Variants in DLGAP2 observed in about 807,000 individuals in gnomAD.
The protein encoded by DLGAP2 is DLG associated protein 2.
DLGAP2 carries 26 observed loss-of-function variants against 100.3 expected under a neutral mutation model. The observed-to-expected ratio is 0.26, with a 90% CI of 0.19 to 0.36. The LOEUF (loss-of-function observed/expected upper bound fraction) is 0.36, where lower values mean the gene tolerates loss of function less well. DLGAP2 is among the 10% of genes least tolerant of loss of function. The pLI is 1.00. For missense variants in DLGAP2, 1,858 were observed against 1,453.2 expected (o/e 1.28, Z -4.53); for synonymous variants, 886 against 630.1 (o/e 1.41, Z -6.08).
chr8:1,246,933 G>T, intron 2 of DLGAP2: 1 of 136,954 alleles, frequency 7.3e-6, no homozygotes, highest in Non-Finnish European at 1.5e-5. Context: ...GGGAGTGATG[G>T]TCCATGTCGG....
At chr8:1,021,705 C>G (rs560458249) in intron 2 of DLGAP2, among the ~76,000 whole-genome samples, 3 of 152,296 alleles carry the variant, frequency 2.0e-5, no homozygotes, top group African/African-American at 7.2e-5. Context: ...GAGTACTTCC[C>G]TGGGAAAGGT....
chr8:1,655,605 T>C (rs1585036866), intron 8 of DLGAP2, among the ~76,000 whole-genome samples: 3 of 96,630 alleles, frequency 3.1e-5, no homozygotes, highest in Admixed American at 2.1e-4. Context: ...TAATTAAACA[T>C]GTGTTTAAAG....
At chr8:1,619,040 T>A (rs1028756064) in intron 6 of DLGAP2, among the ~76,000 whole-genome samples, 6 of 152,140 alleles carry the variant, frequency 3.9e-5, no homozygotes. Context: ...TAAATTCTGT[T>A]CATTAAAAGA....
At chr8:1,153,240 C>G (rs185347337) in intron 2 of DLGAP2, among the ~76,000 whole-genome samples, 2 of 152,078 alleles carry the variant, frequency 1.3e-5, no homozygotes, top group South Asian at 4.1e-4. Flanking sequence ...TCATCAGTCT[C>G]GATCTGAACA....
intron 2 of DLGAP2, among the ~76,000 whole-genome samples, chr8:1,036,912 G>A (rs11783337): frequency 0.011 from 1,670 of 152,240 alleles, 25 homozygotes; most frequent in Non-Finnish European, 0.017. Context: ...ATACCAGAAG[G>A]TGTGACCCCC....
chr8:1,090,402 G>C (rs1472140275), intron 2 of DLGAP2, among the ~76,000 whole-genome samples: 1 of 152,180 alleles, frequency 6.6e-6, no homozygotes, highest in South Asian at 2.1e-4. Context: ...CTCCATGTCT[G>C]CACTCTGGGG....
chr8:1,499,040 G>T (rs180761311), intron 3 of DLGAP2, among the ~76,000 whole-genome samples: 3 of 152,238 alleles, frequency 2.0e-5, no homozygotes, highest in Non-Finnish European at 4.4e-5. Context: ...CAGCAAGGGC[G>T]GGTGGGAGGA....
chr8:1,064,127 C>A (rs1803172529), intron 2 of DLGAP2, among the ~76,000 whole-genome samples: 1 of 152,166 alleles, frequency 6.6e-6, no homozygotes. Context: ...TGGGGACAAT[C>A]CAATGGCTGG....
At chr8:946,408 C>A (rs569424861) in intron 2 of DLGAP2, among the ~76,000 whole-genome samples, 5 of 151,924 alleles carry the variant, frequency 3.3e-5, no homozygotes, top group South Asian at 4.2e-4. Flanking sequence ...GGACTACAGG[C>A]GCCCGCCACC....
At chr8:1,167,051 G>C (rs1436130450) in intron 2 of DLGAP2, among the ~76,000 whole-genome samples, 1 of 152,040 alleles carries the variant, frequency 6.6e-6, no homozygotes, top group Non-Finnish European at 1.5e-5. Context: ...TGGGAGGATC[G>C]CTTGAGCCCG....
chr8:765,002 G>A (rs1382282939), intron 1 of DLGAP2, among the ~76,000 whole-genome samples: 1 of 152,196 alleles, frequency 6.6e-6, no homozygotes, highest in Non-Finnish European at 1.5e-5. Flanking sequence ...AATTGACAGT[G>A]ACTAGTGGTA....
intron 4 of DLGAP2, among the ~76,000 whole-genome samples, chr8:1,540,415 G>A (rs976275329): frequency 2.6e-5 from 4 of 152,168 alleles, no homozygotes; most frequent in African/African-American, 9.7e-5. Context: ...TTGAATGGCT[G>A]GGTTGAGTCA....
At chr8:944,053 A>G (rs772577027) in intron 2 of DLGAP2, among the ~76,000 whole-genome samples, 35 of 152,278 alleles carry the variant, frequency 2.3e-4, no homozygotes, top group Non-Finnish European at 4.6e-4. Flanking sequence ...TTTGGCGTAG[A>G]GACCATTTGG....
At chr8:1,307,804 A>G (rs1372309120) in intron 3 of DLGAP2, among the ~76,000 whole-genome samples, 1 of 152,204 alleles carries the variant, frequency 6.6e-6, no homozygotes, top group African/African-American at 2.4e-5. Context: ...CACATGAGGT[A>G]CGAAAGCAGT....
At chr8:1,684,071 T>G (rs1198645983) in intron 12 of DLGAP2, among the ~76,000 whole-genome samples, 1 of 149,216 alleles carries the variant, frequency 6.7e-6, no homozygotes, top group East Asian at 2.0e-4. Context: ...AACCTCTGCC[T>G]CCCAAGTTCA....
At chr8:1,031,339 A>T (rs1195581090) in intron 2 of DLGAP2, among the ~76,000 whole-genome samples, 1 of 151,736 alleles carries the variant, frequency 6.6e-6, no homozygotes, top group Non-Finnish European at 1.5e-5. Context: ...GAAGCATGTT[A>T]GTTACAGTTG....
chr8:827,219 T>A (rs148449107), intron 1 of DLGAP2, among the ~76,000 whole-genome samples: 71 of 152,306 alleles, frequency 4.7e-4, no homozygotes, highest in African/African-American at 1.6e-3. Flanking sequence ...TCATTTGTAT[T>A]ACCTAACCTA....
intron 2 of DLGAP2, among the ~76,000 whole-genome samples, chr8:976,867 T>C (rs12676106): frequency 0.43 from 65,419 of 152,098 alleles, 14,576 homozygotes; most frequent in Admixed American, 0.55. Flanking sequence ...CCTAGGTAAC[T>C]GTAGATTTAG....
chr8:1,348,664 T>C (rs991311832), intron 3 of DLGAP2, among the ~76,000 whole-genome samples: 4 of 152,250 alleles, frequency 2.6e-5, no homozygotes, highest in Non-Finnish European at 4.4e-5. Flanking sequence ...TCATGGTGGC[T>C]GTGTGGAGGT....
Sources: allele counts gnomAD v4.1 joint callset (sites outside exome capture counted in the v4.1 genomes callset), GRCh38; gene constraint gnomAD v4.1.1; transcripts MANE v1.5; gene names NCBI Gene and HGNC (gene_info 2026-07-23, HGNC 2026-07-21).